Variants in TRAPPC8 observed in about 807,000 individuals in gnomAD.
TRAPPC8 encodes trafficking protein particle complex subunit 8, also known as general sporulation gene 1 homolog.
Under a neutral mutation model 174.3 loss-of-function variants are expected in TRAPPC8, and 54 were observed. The observed-to-expected ratio is 0.31, with a 90% CI of 0.25 to 0.39. TRAPPC8 has a LOEUF of 0.39. Among genes scored for constraint, TRAPPC8 ranks in the 10% least tolerant of loss-of-function variants. The pLI, the probability that TRAPPC8 is intolerant of heterozygous loss-of-function variation, is 1.00. For missense variants in TRAPPC8, 1,531 were observed against 1,699.1 expected (o/e 0.90, Z 1.74); for synonymous variants, 630 against 579.9 (o/e 1.09, Z -1.24).
chr18:31,863,703 T>C (rs2034444477), intron 19 of TRAPPC8, among the ~76,000 whole-genome samples: 1 of 152,150 alleles, frequency 6.6e-6, no homozygotes, highest in African/African-American at 2.4e-5. Context: ...AACCCCCTAC[T>C]AGAATAACTT....
At position 31,907,486 on chromosome 18, in the gene TRAPPC8, C is replaced by T. The variant is rs752052010; in HGVS notation, c.1363G>A (p.Ala455Thr). The T allele has an allele frequency of 1.4e-5, 22 of 1,602,446 alleles. No homozygotes were observed. Among genetic ancestry groups the T allele is most frequent in the Non-Finnish European group, 1.8e-5 (21 of 1,173,062 alleles). ...AAGGCACCAGCTGCATAAAGCATTGCTTGATCATTAAGAAAATCTTTCTTT... is the reference window on the plus strand; with the variant it reads ...AAGGCACCAGCTGCATAAAGCATTGTTTGATCATTAAGAAAATCTTTCTTT... ...TAKKDFLNDQ[A>T]MLYAAGALEM... The change falls in exon 9 of 29, where the codon GCA becomes ACA. Residue 455 changes from alanine to threonine, a missense_variant. Transcript: ENST00000283351.
At position 31,857,835 on chromosome 18, in the gene TRAPPC8, C is replaced by A. The variant is rs1418653393; in HGVS notation, c.2893G>T (p.Ala965Ser). The A allele has an allele frequency of 4.3e-6, 7 of 1,613,992 alleles. No individual in the cohort carries two copies. The highest frequency in any genetic ancestry group is 5.9e-6 in the Non-Finnish European group (7 of 1,180,028). Reference protein sequence around the residue: ...PEFFTFGGNTAVLTPLSPSAS... With the variant: ...PEFFTFGGNTSVLTPLSPSAS... Reference sequence around the variant, plus strand: ...GAGGGACTTAGTGGTGTTAGAACAGCAGTATTACCACCGAAAGTAAAGAAC... The same window carrying A: ...GAGGGACTTAGTGGTGTTAGAACAGAAGTATTACCACCGAAAGTAAAGAAC... Residue 965 changes from alanine to serine, a missense_variant, in exon 20 of 29, where the codon GCT becomes TCT. Physicochemically the swap from Ala to Ser is moderately conservative, Grantham distance 99 (BLOSUM62 1). Transcript: ENST00000283351.
chr18:31,859,219 C>T (rs906310782), intron 19 of TRAPPC8, among the ~76,000 whole-genome samples: 1 of 152,144 alleles, frequency 6.6e-6, no homozygotes, highest in African/African-American at 2.4e-5. Flanking sequence ...CTGGCAGTCA[C>T]TTCATGAAAT....
intron 12 of TRAPPC8, among the ~76,000 whole-genome samples, chr18:31,876,489 CAAAAAAAAAAA>C (rs71175801): frequency 2.1e-5 from 1 of 48,722 alleles, no homozygotes; most frequent in Non-Finnish European, 3.6e-5. Flanking sequence ...GACTCCATCT[CAAAAAAAAAAA>C]AAAAAAAAAA....
intron 6 of TRAPPC8, 184 bp downstream of exon 6, chr18:31,909,483 A>G (rs1598723171): frequency 3.3e-6 from 3 of 911,422 alleles, no homozygotes; most frequent in Non-Finnish European, 3.9e-6. Flanking sequence ...TATAAAACAA[A>G]TTTTTAAGTG....
chr18:31,833,054 T>C (rs1226360357), intron 27 of TRAPPC8, among the ~76,000 whole-genome samples: 1 of 152,162 alleles, frequency 6.6e-6, no homozygotes, highest in Non-Finnish European at 1.5e-5. Context: ...ACTAAGATGA[T>C]TTAAAATACA....
intron 10 of TRAPPC8, among the ~76,000 whole-genome samples, chr18:31,898,804 C>T (rs1280368081): frequency 6.6e-6 from 1 of 152,152 alleles, no homozygotes; most frequent in Non-Finnish European, 1.5e-5. Context: ...AACATTCTTA[C>T]TATGAAATTA....
chr18:31,897,750 A>G (rs2036241322), intron 11 of TRAPPC8, 36 bp downstream of exon 11: 2 of 1,404,714 alleles, frequency 1.4e-6, no homozygotes, highest in Non-Finnish European at 9.5e-7. Flanking sequence ...AAAAAGAACA[A>G]TGCTAATTAA....
At chr18:31,846,256 C>G (rs1277863885) in intron 26 of TRAPPC8, among the ~76,000 whole-genome samples, 1 of 152,120 alleles carries the variant, frequency 6.6e-6, no homozygotes, top group Non-Finnish European at 1.5e-5. Flanking sequence ...CTGTCACCAA[C>G]ACCCAACCCA....
chr18:31,908,591 C>T (rs1365054890), intron 7 of TRAPPC8, among the ~76,000 whole-genome samples, 163 bp downstream of exon 7: 3 of 152,064 alleles, frequency 2.0e-5, no homozygotes, highest in Admixed American at 6.6e-5. Context: ...TAAGCCTCTT[C>T]TAGAGTTGAA....
At position 31,857,841 on chromosome 18, in the gene TRAPPC8, T is replaced by G. The variant is rs192874768; in HGVS notation, c.2887A>C (p.Asn963His). 14 of 1,614,198 alleles carry G rather than the reference T, an allele frequency of 8.7e-6. No individual in the cohort carries two copies. The African/African-American group carries it at 1.9e-4, about 22-fold the overall frequency. Reference sequence around the variant, plus strand: ...CTTAGTGGTGTTAGAACAGCAGTATTACCACCGAAAGTAAAGAACTCTGGA... The same window carrying G: ...CTTAGTGGTGTTAGAACAGCAGTATGACCACCGAAAGTAAAGAACTCTGGA... ...KRPEFFTFGGNTAVLTPLSPS... is the reference protein window; with the variant it reads ...KRPEFFTFGGHTAVLTPLSPS... Residue 963 changes from asparagine (N) to histidine (H), a missense_variant, in exon 20 of 29, where the codon AAT becomes CAT. Transcript: ENST00000283351.
chr18:31,913,290 A>AAATT (rs1242727174), intron 5 of TRAPPC8, 79 bp downstream of exon 5: 2 of 1,417,816 alleles, frequency 1.4e-6, no homozygotes, highest in Non-Finnish European at 1.9e-6. Flanking sequence ...ATTAATATGA[A>AAATT]TAATTATACT....
chr18:31,873,656 T>C (rs562090096), intron 13 of TRAPPC8, 118 bp from the exon 14 acceptor site: 54 of 633,564 alleles, frequency 8.5e-5, no homozygotes, highest in South Asian at 7.7e-4. Context: ...TATTAAGATA[T>C]GTAATTACTA....
At chr18:31,881,761 T>C (rs1014778855) in intron 12 of TRAPPC8, among the ~76,000 whole-genome samples, 2 of 151,708 alleles carry the variant, frequency 1.3e-5, no homozygotes, top group Admixed American at 6.6e-5. Flanking sequence ...AGGACTAATA[T>C]CCAGAATCTA....
chr18:31,917,801 GC>G, intron 2 of TRAPPC8, 134 bp from the exon 3 acceptor site: 1 of 707,528 alleles, frequency 1.4e-6, no homozygotes, highest in Non-Finnish European at 2.4e-6. Context: ...TTTCACCTGT[GC>G]TTTCAGATGT....
chr18:31,916,556 A>G, intron 3 of TRAPPC8, 110 bp from the exon 4 acceptor site: 11 of 1,125,490 alleles, frequency 9.8e-6, no homozygotes, highest in Non-Finnish European at 1.3e-5. Context: ...TTTCTGAGAC[A>G]AAGTCTCACT....
At chr18:31,844,779 T>C (rs1314293546) in intron 26 of TRAPPC8, among the ~76,000 whole-genome samples, 2 of 151,008 alleles carry the variant, frequency 1.3e-5, no homozygotes, top group South Asian at 2.1e-4. Flanking sequence ...CCTCAAATTA[T>C]CTCCGCACAA....
chr18:31,934,213 A>ATGATAG (rs2037980535), intron 1 of TRAPPC8, among the ~76,000 whole-genome samples: 1 of 152,044 alleles, frequency 6.6e-6, no homozygotes, highest in African/African-American at 2.4e-5. Flanking sequence ...TGCAAATTCT[A>ATGATAG]TGATAGTGGT....
chr18:31,840,556 T>C (rs1372815631), intron 26 of TRAPPC8, among the ~76,000 whole-genome samples: 1 of 152,236 alleles, frequency 6.6e-6, no homozygotes, highest in Non-Finnish European at 1.5e-5. Context: ...TTGATTTTTA[T>C]CTATACCAGC....
Sources: allele counts gnomAD v4.1 joint callset (sites outside exome capture counted in the v4.1 genomes callset), GRCh38; gene constraint gnomAD v4.1.1; transcripts MANE v1.5; gene names NCBI Gene and HGNC (gene_info 2026-07-23, HGNC 2026-07-21).